TMEM126B: variants seen among roughly 807,000 people sequenced by gnomAD.
The protein encoded by TMEM126B is transmembrane protein 126B.
A neutral mutation model predicts 16.5 loss-of-function variants in TMEM126B; 19 were observed. That is an observed-to-expected ratio of 1.15 (90% CI 0.80 to 1.69). The LOEUF (loss-of-function observed/expected upper bound fraction) is 1.69. Among genes scored for constraint, TMEM126B ranks in the 40% most tolerant of loss-of-function variants. The pLI is 0.00. For synonymous variants in TMEM126B, 104 were observed against 93.2 expected (o/e 1.12, Z -0.67); for missense variants, 293 against 278.7 (o/e 1.05, Z -0.37).
At chr11:85,629,325 C>G (rs2082199843) in intron 1 of TMEM126B, 1 of 1,045,068 alleles carries the variant, frequency 9.6e-7, no homozygotes, top group Non-Finnish European at 1.3e-6. Flanking sequence ...GAAAGCACTA[C>G]AAAACCGTTA....
intron 1 of TMEM126B, 78 bp downstream of exon 1, chr11:85,628,766 C>A (rs2153300919): frequency 7.2e-7 from 1 of 1,381,836 alleles, no homozygotes; most frequent in Non-Finnish European, 9.9e-7. Flanking sequence ...AAGATGATAC[C>A]TTTAAAGGAG....
chr11:85,636,323 A>G lies in TMEM126B; in HGVS notation c.*94A>G. Reference sequence around the variant, plus strand: ...AAGAGTTAAAAGTAACTGTGAACAAATAATTTGTTCTGTGCCTTTTGCCTG... The same window carrying G: ...AAGAGTTAAAAGTAACTGTGAACAAGTAATTTGTTCTGTGCCTTTTGCCTG... On this transcript the variant is annotated 3_prime_UTR_variant, in exon 5 of 5. Coordinates refer to ENST00000358867, the MANE Select transcript of TMEM126B (RefSeq NM_018480.7). 1 of 942,674 alleles carries G rather than the reference A, an allele frequency of 1.1e-6. No homozygotes were observed. Among genetic ancestry groups the G allele is most frequent in the Non-Finnish European group, 1.5e-6 (1 of 677,842 alleles). The allele number at this position is 942,674 out of a possible 1,614,324, so 58.4% of individuals were successfully genotyped here.
chr11:85,629,340 A>G, intron 1 of TMEM126B: 1 of 928,334 alleles, frequency 1.1e-6, no homozygotes, highest in Non-Finnish European at 1.5e-6. Flanking sequence ...CCGTTAGATG[A>G]TTTGCAAACT....
chr11:85,632,994 T>G (rs1048315875), intron 2 of TMEM126B, among the ~76,000 whole-genome samples: 6 of 152,000 alleles, frequency 3.9e-5, no homozygotes, highest in Non-Finnish European at 8.8e-5. Flanking sequence ...GATGTTCCCC[T>G]TCCTGTGTCC....
chr11:85,634,831 GT>G (rs1391583634), intron 3 of TMEM126B: 1 of 152,188 alleles, frequency 6.6e-6, no homozygotes, highest in Non-Finnish European at 1.5e-5. Context: ...CATTCTTCAG[GT>G]TCCTGCTTAA....
chr11:85,634,071 CT>C lies in TMEM126B; in HGVS notation c.204-8del, dbSNP rs2082353930. 3 of 1,592,720 alleles carry C rather than the reference CT, an allele frequency of 1.9e-6. No individual in the cohort carries two copies. The highest frequency in any genetic ancestry group is 2.2e-5 in the East Asian group (1 of 44,746). On this transcript the variant is annotated splice_polypyrimidine_tract_variant and intron_variant, in intron 2 of 4. Coordinates refer to ENST00000358867, the MANE Select transcript of TMEM126B (RefSeq NM_018480.7). ...CAATGGTATAGTGAACTGAATTTTT[CT>C]TTTTTTCTATTAGGACACAAAATAT...
intron 3 of TMEM126B, among the ~76,000 whole-genome samples, chr11:85,635,373 C>G (rs2082378167): frequency 6.6e-6 from 1 of 152,212 alleles, no homozygotes. Flanking sequence ...GATCGTGCCA[C>G]TGTACTCTAG....
In TMEM126B at chr11:85,635,735, C is replaced by A. The variant is rs145769491; in HGVS notation, c.466C>A (p.Pro156Thr). The A allele has an allele frequency of 3.3e-5, 53 of 1,607,546 alleles. No homozygotes were observed. The African/African-American group carries it at 6.4e-4, about 20-fold the overall frequency. Residue 156 changes from proline to threonine, a missense_variant, in exon 4 of 5, where the codon CCC (proline) becomes ACC (threonine). Transcript: ENST00000358867. ...LIGIVCGVFY[P>T]SSLAFTKNGR... Reference sequence around the variant, plus strand: ...TGGCATAGTTTGTGGTGTTTTCTATCCCAGTTCTTTGGCTTTTACTAAAAA... The same window carrying A: ...TGGCATAGTTTGTGGTGTTTTCTATACCAGTTCTTTGGCTTTTACTAAAAA...
At chr11:85,631,614 C>A in intron 1 of TMEM126B, 73 bp from the exon 2 acceptor site, 1 of 1,495,570 alleles carries the variant, frequency 6.7e-7, no homozygotes, top group Admixed American at 2.3e-5. Flanking sequence ...AAATCTGAAT[C>A]TGTAGAATTC....
chr11:85,632,793 TA>T (rs1666559397), intron 2 of TMEM126B, among the ~76,000 whole-genome samples: 1 of 151,898 alleles, frequency 6.6e-6, no homozygotes, highest in African/African-American at 2.4e-5. Context: ...CATTCCCTTT[TA>T]TTTTTTTTTA....
chr11:85,631,157 G>A (rs1284355534), intron 1 of TMEM126B: 2 of 1,290,162 alleles, frequency 1.6e-6, no homozygotes, highest in Non-Finnish European at 2.0e-6. Context: ...AATGAAACAC[G>A]ATTTCCAAAA....
chr11:85,634,103 A>C lies in TMEM126B; in HGVS notation c.221A>C (p.Gln74Pro). The C allele has an allele frequency of 3.1e-6, 5 of 1,613,182 alleles. No homozygotes were observed. The highest frequency in any genetic ancestry group is 4.2e-6 in the Non-Finnish European group (5 of 1,179,782). The part of the protein sequence containing the change: ...LRKEMTQNIY[Q>P]MATFGTTAGF... ...TCTATTAGGACACAAAATATATATC[A>C]AATGGCGACATTTGGAACAACAGCT... The change falls in exon 3 of 5, where the codon CAA (glutamine) becomes CCA (proline). Residue 74 changes from glutamine to proline, a missense_variant. Gln to Pro is a moderately conservative substitution (Grantham distance 76). Transcript: ENST00000358867.
Position 85,628,595 on chromosome 11 carries a change from A to T in TMEM126B, c.-13A>T, listed in dbSNP as rs2082138206. Reference sequence around the variant, plus strand: ...GGGTCCCCGCCCACCGGCAAGTCACATGAGCCACCAAAATGGTGGTGTTCG... The same window carrying T: ...GGGTCCCCGCCCACCGGCAAGTCACTTGAGCCACCAAAATGGTGGTGTTCG... On this transcript the variant is annotated 5_prime_UTR_variant, in exon 1 of 5. An upstream start codon of the reference 5' UTR is lost. Transcript: ENST00000358867. 2 of 1,535,454 alleles carry T rather than the reference A, an allele frequency of 1.3e-6. No homozygotes were observed. The highest frequency in any genetic ancestry group is 1.4e-5 in the African/African-American group (1 of 73,030).
rs2082350102 is a variant in TMEM126B, at chr11:85,633,881, AT to A, written c.204-204del. Reference sequence around the variant, plus strand: ...AAGAGAATCATGTCCTCTCATTAGAATACAAGTTCTATGAGGGGTGGGAAAT... The same window carrying A: ...AAGAGAATCATGTCCTCTCATTAGAAACAAGTTCTATGAGGGGTGGGAAAT... On this transcript the variant is annotated intron_variant, in intron 2 of 4. Transcript: ENST00000358867. Among the ~76,000 whole-genome samples, 3 of 152,322 alleles carry A rather than the reference AT, an allele frequency of 2.0e-5. No individual in the cohort carries two copies. In the South Asian group the frequency reaches 6.2e-4, roughly 32 times the overall value.
chr11:85,635,811 C>CT (rs758340755), intron 4 of TMEM126B, 33 bp downstream of exon 4: 2 of 1,077,394 alleles, frequency 1.9e-6, no homozygotes, highest in Non-Finnish European at 1.2e-6. Context: ...TTTTTCTTTT[C>CT]TTTTCTTTTC....
At position 85,634,290 on chromosome 11, in the gene TMEM126B, A is replaced by G; in HGVS notation, c.397+11A>G. On this transcript the variant is annotated intron_variant, in intron 3 of 4. Coordinates refer to ENST00000358867, the MANE Select transcript of TMEM126B (RefSeq NM_018480.7). ...ATGCTTTGTATTCAGGTGAATTTAA[A>G]TTCACTAATGTATAACGTAGTTATG... 1 of 1,590,946 alleles carries G rather than the reference A, an allele frequency of 6.3e-7. No individual in the cohort carries two copies. The highest frequency in any genetic ancestry group is 8.6e-7 in the Non-Finnish European group (1 of 1,169,162).
chr11:85,631,355 C>T, intron 1 of TMEM126B: 1 of 1,171,616 alleles, frequency 8.5e-7, no homozygotes. Flanking sequence ...AGCAAGCCAA[C>T]CTTTCAGACC....
chr11:85,636,165 T>TA lies in TMEM126B; in HGVS notation c.632dup (p.Asn211LysfsTer10). 2 of 1,611,424 alleles carry TA rather than the reference T, an allele frequency of 1.2e-6. No homozygotes were observed. The highest frequency in any genetic ancestry group is 2.2e-5 in the South Asian group (2 of 90,552). On this transcript the variant is annotated frameshift_variant, in exon 5 of 5. Transcript: ENST00000358867. LOFTEE classifies it low-confidence loss of function (END_TRUNC). Reference sequence around the variant, plus strand: ...GTCTTTCAGATTATGTTTGGAATATTAAATGGTCTATACCATTATGCAGTA... The same window carrying TA: ...GTCTTTCAGATTATGTTTGGAATATTAAAATGGTCTATACCATTATGCAGTA...
chr11:85,635,821 C>CTTTTTTTT (rs58671332), intron 4 of TMEM126B, 43 bp downstream of exon 4: 46 of 869,652 alleles, frequency 5.3e-5, no homozygotes, highest in South Asian at 1.8e-4. Context: ...CTTTTCTTTT[C>CTTTTTTTT]TTTTTTTTTT....
Sources: allele counts gnomAD v4.1 joint callset (sites outside exome capture counted in the v4.1 genomes callset), GRCh38; gene constraint gnomAD v4.1.1; transcripts MANE v1.5; gene names NCBI Gene and HGNC (gene_info 2026-07-23, HGNC 2026-07-21).